Variants in GPR158 observed in about 807,000 individuals in gnomAD.
GPR158 encodes metabotropic glycine receptor.
Under a neutral mutation model 78.2 loss-of-function variants are expected in GPR158, and 30 were observed. The observed-to-expected ratio is 0.38, with a 90% CI of 0.29 to 0.52. GPR158 has a LOEUF of 0.52. Among genes scored for constraint, GPR158 ranks in the 20% least tolerant of loss-of-function variants. GPR158 has a pLI of 0.83. For synonymous variants in GPR158, 581 were observed against 591.1 expected (o/e 0.98, Z 0.25); for missense variants, 1,463 against 1,523.5 (o/e 0.96, Z 0.66).
chr10:25,572,639 GC>G lies in GPR158; in HGVS notation c.1515-9del, dbSNP rs748830682. On this transcript the variant is annotated splice_polypyrimidine_tract_variant and intron_variant, in intron 6 of 10. Coordinates refer to ENST00000376351, the MANE Select transcript of GPR158 (RefSeq NM_020752.3). ...GGTTTGCTTTCACATTTGAACTTTT[GC>G]TTTTCTAGGGTTTTGAAGGTGTTTC... is the stretch of plus-strand genomic sequence containing the variant. 2.8e-5 allele frequency: 43 copies of G among 1,549,566 alleles called. No homozygotes were observed. The highest frequency in any genetic ancestry group is 1.7e-4 in the Middle Eastern group (1 of 5,982).
intron 2 of GPR158, among the ~76,000 whole-genome samples, chr10:25,388,933 G>A (rs1392457405): frequency 3.3e-5 from 5 of 152,250 alleles, no homozygotes; most frequent in Admixed American, 2.6e-4. Flanking sequence ...CTGACAGGGT[G>A]TGTGCTTGCT....
chr10:25,507,546 A>C (rs1477988747), intron 5 of GPR158, among the ~76,000 whole-genome samples: 2 of 152,238 alleles, frequency 1.3e-5, no homozygotes, highest in African/African-American at 4.8e-5. Flanking sequence ...TCTACCAGCA[A>C]AAGGAAACAT....
chr10:25,426,962 T>C (rs1424984778), intron 4 of GPR158, among the ~76,000 whole-genome samples: 1 of 131,688 alleles, frequency 7.6e-6, no homozygotes, highest in Non-Finnish European at 1.7e-5. Context: ...CTCTAGATTA[T>C]TGCCAATAAT....
At chr10:25,417,866 C>A (rs1294415535) in intron 4 of GPR158, among the ~76,000 whole-genome samples, 1 of 152,162 alleles carries the variant, frequency 6.6e-6, no homozygotes, top group Non-Finnish European at 1.5e-5. Flanking sequence ...CTTTTGCTGA[C>A]ATGTGAACCA....
intron 4 of GPR158, among the ~76,000 whole-genome samples, chr10:25,445,672 AAG>A (rs1161775573): frequency 3.9e-5 from 6 of 152,078 alleles, no homozygotes; most frequent in Non-Finnish European, 8.8e-5. Context: ...GGGTGGAAGA[AAG>A]GGGGTAATTT....
intron 5 of GPR158, among the ~76,000 whole-genome samples, chr10:25,502,716 T>G (rs1835958061): frequency 6.6e-6 from 1 of 152,168 alleles, no homozygotes; most frequent in African/African-American, 2.4e-5. Flanking sequence ...TGAATAAATT[T>G]CAAGCAAGGA....
rs1377924128 is a variant in GPR158 at position 25,431,019 on chromosome 10, A to C, written c.1335+18546A>C. Reference sequence around the variant, plus strand: ...AAGCCAAAATTGACAAATGGGATCTAATTAAATTAAAGAGCTTCTGCACAG... The same window carrying C: ...AAGCCAAAATTGACAAATGGGATCTCATTAAATTAAAGAGCTTCTGCACAG... On this transcript the variant is annotated intron_variant, in intron 4 of 10. Transcript: ENST00000376351. 2.7e-5 allele frequency among the ~76,000 whole-genome samples: 4 copies of C among 146,304 alleles called. No homozygotes were observed. In the East Asian group the frequency reaches 7.8e-4, roughly 29 times the overall value.
At chr10:25,389,436 A>C (rs1754266) in intron 2 of GPR158, among the ~76,000 whole-genome samples, 123,825 of 152,058 alleles carry the variant, frequency 0.81, 51,438 homozygotes, top group Non-Finnish European at 0.87. Context: ...CAGAGAGGAG[A>C]CTCTCTGCTG....
At chr10:25,555,575 C>T (rs548625917) in intron 6 of GPR158, among the ~76,000 whole-genome samples, 4 of 152,008 alleles carry the variant, frequency 2.6e-5, no homozygotes, top group South Asian at 2.1e-4. Context: ...AGTATCTCTA[C>T]GCTCAGAATA....
At chr10:25,350,649 A>C (rs113860179) in intron 2 of GPR158, among the ~76,000 whole-genome samples, 15 of 152,108 alleles carry the variant, frequency 9.9e-5, no homozygotes, top group Non-Finnish European at 1.6e-4. Flanking sequence ...GGAGGGGTGT[A>C]TTGGCAGGGA....
intron 2 of GPR158, among the ~76,000 whole-genome samples, chr10:25,272,656 G>T (rs1447334379): frequency 1.3e-5 from 2 of 152,172 alleles, no homozygotes; most frequent in African/African-American, 2.4e-5. Context: ...CATCAAGACA[G>T]AAGTTGGTCC....
intron 1 of GPR158, among the ~76,000 whole-genome samples, chr10:25,191,757 AT>A (rs1186884207): frequency 6.6e-6 from 1 of 152,136 alleles, no homozygotes; most frequent in Non-Finnish European, 1.5e-5. Context: ...AGTACTGCAA[AT>A]TTAAAATGTC....
chr10:25,440,009 G>A (rs1835047544), intron 4 of GPR158, among the ~76,000 whole-genome samples: 1 of 152,016 alleles, frequency 6.6e-6, no homozygotes, highest in Admixed American at 6.6e-5. Context: ...CCCCTTTCAT[G>A]TCCATAAAAA....
At chr10:25,394,278 A>T (rs752322772) in intron 2 of GPR158, among the ~76,000 whole-genome samples, 8 of 152,236 alleles carry the variant, frequency 5.3e-5, no homozygotes, top group Non-Finnish European at 1.0e-4. Flanking sequence ...AAAGACAGTA[A>T]GGCTCAGAGA....
chr10:25,532,764 T>C (rs1836443509), intron 5 of GPR158, among the ~76,000 whole-genome samples: 1 of 151,096 alleles, frequency 6.6e-6, no homozygotes, highest in Non-Finnish European at 1.5e-5. Flanking sequence ...TACCAAAGCA[T>C]ATAACTTAAA....
At chr10:25,597,329 C>T (rs777808574) in intron 10 of GPR158, among the ~76,000 whole-genome samples, 5 of 152,212 alleles carry the variant, frequency 3.3e-5, no homozygotes, top group Non-Finnish European at 7.3e-5. Context: ...ATATGGTTCA[C>T]CTATAAACAA....
intron 2 of GPR158, among the ~76,000 whole-genome samples, chr10:25,374,426 A>G (rs752430307): frequency 4.0e-5 from 6 of 151,834 alleles, no homozygotes; most frequent in Non-Finnish European, 4.4e-5. Flanking sequence ...GATTTCATCA[A>G]TGTTATATGC....
At chr10:25,384,682 C>T (rs993593790) in intron 2 of GPR158, among the ~76,000 whole-genome samples, 15 of 115,192 alleles carry the variant, frequency 1.3e-4, no homozygotes, top group Non-Finnish European at 2.1e-4. Flanking sequence ...TGTGGTTTTT[C>T]GGCACAAGTA....
chr10:25,365,788 A>T (rs918569616), intron 2 of GPR158, among the ~76,000 whole-genome samples: 56 of 151,670 alleles, frequency 3.7e-4, no homozygotes, highest in African/African-American at 1.3e-3. Context: ...CATAATAAGT[A>T]TACAGCACAA....
Sources: gnomAD v4.1 joint callset for allele counts (sites outside exome capture counted in the v4.1 genomes callset) on GRCh38, gnomAD v4.1.1 for gene constraint, MANE v1.5 for transcripts, NCBI Gene and HGNC (gene_info 2026-07-23, HGNC 2026-07-21) for gene names.